PAPPA2: variants seen among roughly 807,000 people sequenced by gnomAD.
The protein encoded by PAPPA2 is pappalysin-2.
A neutral mutation model predicts 176.4 loss-of-function variants in PAPPA2; 86 were observed. The ratio of observed to expected loss-of-function variants is 0.49; its 90% confidence interval spans 0.41 to 0.58. The LOEUF is 0.58. Ranked by LOEUF, PAPPA2 falls within the 20% of genes least tolerant of loss-of-function variation. PAPPA2 has a pLI of 0.00. For missense variants in PAPPA2, 2,073 were observed against 2,256.9 expected, an observed-to-expected ratio of 0.92 and a Z score of 1.65; for synonymous variants, 809 against 852.2, an observed-to-expected ratio of 0.95 and a Z score of 0.88.
chr1:176,511,773 C>G (rs1648610637), intron 1 of PAPPA2, among the ~76,000 whole-genome samples: 1 of 152,128 alleles, frequency 6.6e-6, no homozygotes, highest in Non-Finnish European at 1.5e-5. Context: ...TTCCGGGCTT[C>G]TGACATTGGC....
At chr1:176,759,148 C>A (rs1431533822) in intron 14 of PAPPA2, among the ~76,000 whole-genome samples, 1 of 152,194 alleles carries the variant, frequency 6.6e-6, no homozygotes, top group Non-Finnish European at 1.5e-5. Context: ...TGTGATCAGA[C>A]TTTTATGAAT....
chr1:176,497,790 C>T (rs567093441), intron 1 of PAPPA2, among the ~76,000 whole-genome samples: 1 of 152,246 alleles, frequency 6.6e-6, no homozygotes, highest in African/African-American at 2.4e-5. Flanking sequence ...TAATACTTGC[C>T]GTTCATTATC....
chr1:176,748,821 G>A (rs1663035677), intron 14 of PAPPA2, among the ~76,000 whole-genome samples: 1 of 152,118 alleles, frequency 6.6e-6, no homozygotes, highest in Non-Finnish European at 1.5e-5. Context: ...ACGAGCAGTA[G>A]GCTACACCAT....
At chr1:176,827,477 A>G (rs1023064695) in intron 21 of PAPPA2, among the ~76,000 whole-genome samples, 6 of 152,166 alleles carry the variant, frequency 3.9e-5, no homozygotes, top group African/African-American at 1.2e-4. Flanking sequence ...TCTCTGCCAA[A>G]ATCCTATCCA....
At chr1:176,497,035 T>C (rs1234559198) in intron 1 of PAPPA2, among the ~76,000 whole-genome samples, 1 of 152,164 alleles carries the variant, frequency 6.6e-6, no homozygotes, top group Non-Finnish European at 1.5e-5. Flanking sequence ...TACAATCCTA[T>C]CCCATTGCCA....
At chr1:176,605,396 G>C (rs942189477) in intron 3 of PAPPA2, among the ~76,000 whole-genome samples, 2 of 152,200 alleles carry the variant, frequency 1.3e-5, no homozygotes, top group Non-Finnish European at 2.9e-5. Context: ...AGTGGAGCTA[G>C]AGAGTTGCAG....
At chr1:176,791,169 A>C (rs1368299393) in intron 18 of PAPPA2, among the ~76,000 whole-genome samples, 178 bp from the exon 19 acceptor site, 1 of 145,980 alleles carries the variant, frequency 6.9e-6, no homozygotes, top group Non-Finnish European at 1.5e-5. Flanking sequence ...GGAAAAAGCA[A>C]AGAATTTTTT....
chr1:176,687,596 A>C (rs1659900365), intron 4 of PAPPA2, among the ~76,000 whole-genome samples: 1 of 152,164 alleles, frequency 6.6e-6, no homozygotes, highest in Admixed American at 6.6e-5. Context: ...TTCTTCCAAG[A>C]ACCATCTTTC....
intron 1 of PAPPA2, among the ~76,000 whole-genome samples, chr1:176,498,691 A>G (rs1179908167): frequency 1.3e-5 from 2 of 151,266 alleles, no homozygotes; most frequent in Non-Finnish European, 2.9e-5. Context: ...TGGAAGTTGC[A>G]GTGAGCCGAG....
chr1:176,637,082 G>A (rs2102719084), intron 3 of PAPPA2, among the ~76,000 whole-genome samples: 1 of 152,172 alleles, frequency 6.6e-6, no homozygotes, highest in East Asian at 1.9e-4. Context: ...GGTAAGGGGA[G>A]GAGTAGGATT....
chr1:176,496,281 T>C (rs1201144183), intron 1 of PAPPA2, among the ~76,000 whole-genome samples: 2 of 152,154 alleles, frequency 1.3e-5, no homozygotes, highest in African/African-American at 4.8e-5. Context: ...TATGGGAGCA[T>C]GTCAGAAGCT....
At chr1:176,510,270 C>T (rs747024582) in intron 1 of PAPPA2, among the ~76,000 whole-genome samples, 8 of 152,048 alleles carry the variant, frequency 5.3e-5, no homozygotes, top group Non-Finnish European at 1.2e-4. Context: ...ATGAACAGAG[C>T]AACAAAGATA....
At chr1:176,600,775 A>G (rs1158223431) in intron 3 of PAPPA2, among the ~76,000 whole-genome samples, 2 of 151,982 alleles carry the variant, frequency 1.3e-5, no homozygotes, top group Non-Finnish European at 2.9e-5. Context: ...TTTGCGAGTC[A>G]TCTATTGAGT....
chr1:176,659,783 A>C (rs1345287697), intron 3 of PAPPA2, among the ~76,000 whole-genome samples: 1 of 152,056 alleles, frequency 6.6e-6, no homozygotes, highest in Admixed American at 6.6e-5. Context: ...TATCTCTTTA[A>C]TGTGTCTGCC....
In PAPPA2 at chr1:176,599,607, T is replaced by C. The variant is rs191575361; in HGVS notation, c.1991+4012T>C. ...ATACTTTAAAAACCTTCTTATTCTT[T>C]GATTATTTTTAATATAATCTTAAAA... On this transcript the variant is annotated intron_variant, in intron 3 of 22. Coordinates refer to ENST00000367662, the MANE Select transcript of PAPPA2 (RefSeq NM_020318.3). 8.8e-3 allele frequency among the ~76,000 whole-genome samples: 1,340 copies of C among 151,726 alleles called. 22 individuals carry two copies. Among genetic ancestry groups the C allele is most frequent in the African/African-American group, 0.031 (1,290 of 41,500 alleles).
intron 17 of PAPPA2, among the ~76,000 whole-genome samples, chr1:176,783,238 T>C (rs1664796020): frequency 6.6e-6 from 1 of 152,240 alleles, no homozygotes; most frequent in South Asian, 2.1e-4. Flanking sequence ...TATGTGTTAT[T>C]GTTTTTCTGT....
intron 19 of PAPPA2, among the ~76,000 whole-genome samples, chr1:176,793,236 C>T (rs1206391459): frequency 6.6e-6 from 1 of 152,062 alleles, no homozygotes; most frequent in Admixed American, 6.6e-5. Flanking sequence ...TCTTGGAGGC[C>T]AGCTGGGCCA....
At chr1:176,678,981 G>A (rs1341068493) in intron 4 of PAPPA2, among the ~76,000 whole-genome samples, 2 of 152,048 alleles carry the variant, frequency 1.3e-5, no homozygotes, top group Non-Finnish European at 2.9e-5. Flanking sequence ...TAGGTTGTAT[G>A]AAGCATGAGA....
At chr1:176,778,893 C>A (rs529082212) in intron 17 of PAPPA2, among the ~76,000 whole-genome samples, 1 of 152,124 alleles carries the variant, frequency 6.6e-6, no homozygotes, top group Non-Finnish European at 1.5e-5. Flanking sequence ...ATAATGTGTG[C>A]TTCAGGCTAA....
Sources: gnomAD v4.1 joint callset for allele counts (sites outside exome capture counted in the v4.1 genomes callset) on GRCh38, gnomAD v4.1.1 for gene constraint, MANE v1.5 for transcripts, NCBI Gene and HGNC (gene_info 2026-07-23, HGNC 2026-07-21) for gene names.